Variants in DYSF observed in about 807,000 individuals in gnomAD.
DYSF encodes dystrophy-associated fer-1-like 1.
A neutral mutation model predicts 274.9 loss-of-function variants in DYSF; 212 were observed. The ratio of observed to expected loss-of-function variants is 0.77; its 90% CI spans 0.69 to 0.86. The LOEUF (loss-of-function observed/expected upper bound fraction) is 0.86. DYSF is among the 40% of genes least tolerant of loss of function. The pLI, the probability that DYSF is intolerant of heterozygous loss-of-function variation, is 0.00. For synonymous variants in DYSF, 1,091 were observed against 1,078.7 expected (o/e 1.01, Z -0.22); for missense variants, 2,666 against 2,783.2 (o/e 0.96, Z 0.95).
rs188758322 is a variant in DYSF, at chr2:71,660,096, C to A, written c.4912-464C>A. On this transcript the variant is annotated intron_variant, in intron 44 of 55. Coordinates refer to ENST00000410020, the MANE Select transcript of DYSF (RefSeq NM_001130987.2). ...AGACTAACCCTGGGCACTCTGCAGCCCCAGCTGCTGGGTCGCTGGCTGAGG... is the reference window on the plus strand; with the variant it reads ...AGACTAACCCTGGGCACTCTGCAGCACCAGCTGCTGGGTCGCTGGCTGAGG... Among the ~76,000 whole-genome samples, 273 of 152,340 alleles carry A rather than the reference C, an allele frequency of 1.8e-3. 1 individual carries two copies. The highest frequency in any genetic ancestry group is 6.2e-3 in the African/African-American group (259 of 41,580).
intron 40 of DYSF, among the ~76,000 whole-genome samples, chr2:71,617,108 G>T (rs1422315984): frequency 2.0e-5 from 3 of 152,182 alleles, no homozygotes; most frequent in Non-Finnish European, 2.9e-5. Context: ...AGCCAGCTGG[G>T]TATGGCAAGG....
At chr2:71,676,340 A>G (rs2095221876) in intron 52 of DYSF, among the ~76,000 whole-genome samples, 1 of 152,134 alleles carries the variant, frequency 6.6e-6, no homozygotes, top group Non-Finnish European at 1.5e-5. Context: ...AAAATTGCCA[A>G]TAAGATATTT....
intron 40 of DYSF, among the ~76,000 whole-genome samples, chr2:71,617,876 TGG>T (rs757038446): frequency 2.3e-4 from 3 of 13,286 alleles, no homozygotes; most frequent in Non-Finnish European, 6.3e-4. Context: ...GTGGTAGAGG[TGG>T]GGTGTGTGTG....
At chr2:71,526,418 T>TGGGGGGGGGGGGTTTG in intron 13 of DYSF, 72 bp downstream of exon 13, 1 of 261,502 alleles carries the variant, frequency 3.8e-6, no homozygotes, top group African/African-American at 4.6e-5. Flanking sequence ...GGGTGGGCGA[T>TGGGGGGGGGGGGTTTG]GGCGGGCGGG....
Position 71,568,230 on chromosome 2 carries a change from A to G in DYSF, c.2756A>G (p.Tyr919Cys). The change falls in exon 26 of 56, where the codon TAC becomes TGC. Residue 919 changes from tyrosine (Y) to cysteine (C), a missense_variant. Coordinates refer to ENST00000410020, the MANE Select transcript of DYSF (RefSeq NM_001130987.2). Reference sequence around the variant, plus strand: ...AACTGGGGCACAACGGGCCTCACCTACCCCAAGTTTTCTGACGTCACGGGC... The same window carrying G: ...AACTGGGGCACAACGGGCCTCACCTGCCCCAAGTTTTCTGACGTCACGGGC... ...VGNWGTTGLT[Y>C]PKFSDVTGKI... The G allele has an allele frequency of 6.2e-7, 1 of 1,614,146 alleles. No individual in the cohort carries two copies. The highest frequency in any genetic ancestry group is 1.7e-5 in the Admixed American group (1 of 60,024).
At chr2:71,605,372 G>A (rs1295154465) in intron 36 of DYSF, among the ~76,000 whole-genome samples, 1 of 152,206 alleles carries the variant, frequency 6.6e-6, no homozygotes, top group Non-Finnish European at 1.5e-5. Flanking sequence ...GCACGTGTGA[G>A]CATGTGCGAG....
chr2:71,681,783 C>A (rs2095299251), intron 54 of DYSF, among the ~76,000 whole-genome samples: 1 of 152,224 alleles, frequency 6.6e-6, no homozygotes, highest in Admixed American at 6.5e-5. Context: ...TCCCGCCCCA[C>A]CAGCCTACTT....
rs114968209 is a variant in DYSF, at chr2:71,600,690, C to T, written c.3757-12C>T. 6.3e-3 allele frequency: 10,093 copies of T among 1,614,068 alleles called. 51 individuals are homozygous for T. The highest frequency in any genetic ancestry group is 0.017 in the Middle Eastern group (106 of 6,062). On this transcript the variant is annotated splice_polypyrimidine_tract_variant and intron_variant, in intron 33 of 55. Transcript: ENST00000410020. ...AGGGATGCTGATTCTTGTCTCTCTA[C>T]GCTTGGTCTAGGGTGCAGACGAGTT...
chr2:71,618,266 G>GGTGGT (rs1558638422), intron 40 of DYSF, among the ~76,000 whole-genome samples: 1 of 46,010 alleles, frequency 2.2e-5, no homozygotes, highest in Admixed American at 2.3e-4. Context: ...GTGTGGTAGA[G>GGTGGT]GTGTGTGTGT....
At chr2:71,516,035 TCCAATCCCCAGAACTGTGC>T (rs1559054602) in intron 8 of DYSF, 126 bp from the exon 9 acceptor site, 4 of 944,818 alleles carry the variant, frequency 4.2e-6, no homozygotes, top group Non-Finnish European at 6.7e-6. Context: ...CCAGAACTTG[TCCAATCCCCAGAACTGTGC>T]CCAATCCACA....
intron 3 of DYSF, among the ~76,000 whole-genome samples, chr2:71,484,251 C>G (rs996393290): frequency 6.6e-6 from 1 of 151,950 alleles, no homozygotes; most frequent in African/African-American, 2.4e-5. Context: ...CAGGGTTCCT[C>G]CATGTTGGCC....
chr2:71,472,975 C>A (rs1288856600), intron 1 of DYSF, among the ~76,000 whole-genome samples: 5 of 152,166 alleles, frequency 3.3e-5, no homozygotes, highest in African/African-American at 1.2e-4. Flanking sequence ...TAAATATCTT[C>A]CCCAGGCCTT....
At chr2:71,553,747 A>AGGCCCAAAACC in intron 20 of DYSF, 60 bp from the exon 21 acceptor site, 2 of 872,684 alleles carry the variant, frequency 2.3e-6, no homozygotes, top group Non-Finnish European at 3.5e-6. Flanking sequence ...CACTCTTAGC[A>AGGCCCAAAACC]CCCCATCCCA....
intron 1 of DYSF, among the ~76,000 whole-genome samples, chr2:71,454,844 G>T (rs916006926): frequency 1.3e-5 from 2 of 152,122 alleles, no homozygotes; most frequent in Non-Finnish European, 2.9e-5. Flanking sequence ...GGAGCTGAGG[G>T]CTGGGCCCTG....
At chr2:71,640,740 CGT>C (rs70963107) in intron 41 of DYSF, among the ~76,000 whole-genome samples, 22,856 of 147,730 alleles carry the variant, frequency 0.15, 1,693 homozygotes, top group South Asian at 0.18. Flanking sequence ...GAGATTAATC[CGT>C]GTGTGTGTGT....
chr2:71,660,967 C>T (rs573566977), intron 45 of DYSF, among the ~76,000 whole-genome samples: 2 of 151,698 alleles, frequency 1.3e-5, no homozygotes, highest in Non-Finnish European at 2.9e-5. Context: ...AAATAAAAAA[C>T]TTAGCCAGGC....
chr2:71,617,988 TGA>T, intron 40 of DYSF, among the ~76,000 whole-genome samples: 1 of 102,482 alleles, frequency 9.8e-6, no homozygotes, highest in South Asian at 3.4e-4. Flanking sequence ...GTGGTAGAGG[TGA>T]GGTATATGTG....
intron 33 of DYSF, among the ~76,000 whole-genome samples, chr2:71,600,168 C>T (rs1032238331): frequency 7.9e-5 from 12 of 152,238 alleles, no homozygotes; most frequent in Non-Finnish European, 1.3e-4. Context: ...GTCTTCTGGG[C>T]GGCAGGGAGT....
chr2:71,568,723 G>A (rs2092259926), intron 26 of DYSF, among the ~76,000 whole-genome samples: 1 of 152,052 alleles, frequency 6.6e-6, no homozygotes, highest in Non-Finnish European at 1.5e-5. Flanking sequence ...ATCATGCCTG[G>A]CTAATTTTTA....
Sources: allele counts gnomAD v4.1 joint callset (sites outside exome capture counted in the v4.1 genomes callset), GRCh38; gene constraint gnomAD v4.1.1; transcripts MANE v1.5; gene names NCBI Gene and HGNC (gene_info 2026-07-23, HGNC 2026-07-21).